The following FAM13A variants were observed in gnomAD, a reference collection of about 807,000 sequenced individuals.
The protein encoded by FAM13A is protein FAM13A.
Under a neutral mutation model 129.6 loss-of-function variants are expected in FAM13A, and 76 were observed. That is an observed-to-expected ratio of 0.59 (90% CI 0.49 to 0.71). The LOEUF is 0.71. FAM13A is among the 30% of genes least tolerant of loss of function. The pLI is 0.00. For synonymous variants in FAM13A, 443 were observed against 449.9 expected, an observed-to-expected ratio of 0.98 and a Z score of 0.20; for missense variants, 1,108 against 1,249.3, an observed-to-expected ratio of 0.89 and a Z score of 1.70.
chr4:89,009,248 G>A (rs962004757), intron 3 of FAM13A, among the ~76,000 whole-genome samples: 4 of 152,142 alleles, frequency 2.6e-5, no homozygotes, highest in Non-Finnish European at 4.4e-5. Context: ...CCTGAGTCAC[G>A]TAGCATGCAG....
intron 2 of FAM13A, among the ~76,000 whole-genome samples, chr4:89,027,186 G>A (rs991823117): frequency 6.6e-6 from 1 of 152,098 alleles, no homozygotes; most frequent in African/African-American, 2.4e-5. Context: ...AGTACGCATA[G>A]TAAGAGATTA....
At chr4:88,899,913 GAA>G (rs1746999263) in intron 6 of FAM13A, among the ~76,000 whole-genome samples, 1 of 152,058 alleles carries the variant, frequency 6.6e-6, no homozygotes, top group African/African-American at 2.4e-5. Context: ...CTGATAGCCA[GAA>G]CAGCCAGTTT....
At chr4:89,035,830 G>T (rs1264373823) in intron 1 of FAM13A, among the ~76,000 whole-genome samples, 1 of 152,112 alleles carries the variant, frequency 6.6e-6, no homozygotes, top group Non-Finnish European at 1.5e-5. Context: ...GTTTCCTGAG[G>T]TCTCCCAAGC....
At chr4:89,021,650 A>G (rs917406749) in intron 2 of FAM13A, among the ~76,000 whole-genome samples, 15 of 152,210 alleles carry the variant, frequency 9.9e-5, no homozygotes, top group African/African-American at 3.6e-4. Context: ...GAGGAAAAAG[A>G]CAAAATATAA....
At chr4:88,893,835 A>AG in intron 6 of FAM13A, among the ~76,000 whole-genome samples, 1 of 151,568 alleles carries the variant, frequency 6.6e-6, no homozygotes. Flanking sequence ...TCAAAAAAAA[A>AG]AAAAAAAAGA....
chr4:88,894,196 G>A (rs562900630), intron 6 of FAM13A, among the ~76,000 whole-genome samples: 7 of 152,132 alleles, frequency 4.6e-5, no homozygotes, highest in Non-Finnish European at 1.0e-4. Context: ...ACATGCTTAC[G>A]ATCTAATATT....
intron 3 of FAM13A, among the ~76,000 whole-genome samples, chr4:88,995,050 T>C (rs1579677222): frequency 6.6e-6 from 1 of 152,114 alleles, no homozygotes; most frequent in Non-Finnish European, 1.5e-5. Flanking sequence ...TTGCACACTA[T>C]GTATATTTGT....
intron 3 of FAM13A, among the ~76,000 whole-genome samples, chr4:88,992,467 C>T (rs994294109): frequency 2.0e-5 from 3 of 152,060 alleles, no homozygotes; most frequent in Non-Finnish European, 4.4e-5. Context: ...GACGGCATTT[C>T]ACCATGTTGG....
chr4:89,020,626 C>CT lies in FAM13A; in HGVS notation c.260dup (p.Val88GlyfsTer22). On this transcript the variant is annotated frameshift_variant, in exon 3 of 24. Coordinates refer to ENST00000264344, the MANE Select transcript of FAM13A (RefSeq NM_014883.4). LOFTEE classifies it high-confidence loss of function. The stretch of plus-strand genomic sequence containing the variant: ...ACTTCAGTCGAAGTTGTTCCACCAC[C>CT]TTCACGTTACCATTCACCCTAAAAA... 1 of 1,614,142 alleles carries CT rather than the reference C, an allele frequency of 6.2e-7. No individual in the cohort carries two copies. The highest frequency in any genetic ancestry group is 8.5e-7 in the Non-Finnish European group (1 of 1,180,026).
At chr4:88,770,605 A>T (rs577594609) in intron 11 of FAM13A, among the ~76,000 whole-genome samples, 126 of 152,364 alleles carry the variant, frequency 8.3e-4, no homozygotes, top group African/African-American at 3.0e-3. Context: ...AGGAAGAATA[A>T]GAGTGAACAG....
At chr4:88,747,258 C>T (rs1242103149) in intron 18 of FAM13A, among the ~76,000 whole-genome samples, 1 of 152,100 alleles carries the variant, frequency 6.6e-6, no homozygotes, top group Non-Finnish European at 1.5e-5. Context: ...AAGGTGAACA[C>T]TGAGGTAAGC....
intron 14 of FAM13A, 42 bp downstream of exon 14, chr4:88,758,712 G>A (rs754112945): frequency 2.5e-6 from 4 of 1,582,018 alleles, no homozygotes; most frequent in Non-Finnish European, 3.4e-6. Flanking sequence ...ATTTATATAT[G>A]CTTTAATGAT....
chr4:89,040,443 C>T (rs1046208178), intron 1 of FAM13A, among the ~76,000 whole-genome samples: 1 of 152,072 alleles, frequency 6.6e-6, no homozygotes, highest in Non-Finnish European at 1.5e-5. Context: ...TTTTTGACAG[C>T]ATAAGAGGAA....
intron 6 of FAM13A, among the ~76,000 whole-genome samples, chr4:88,867,916 A>T (rs922026): frequency 0.11 from 16,999 of 152,248 alleles, 1,061 homozygotes; most frequent in Non-Finnish European, 0.14. Flanking sequence ...ACGCAATGGA[A>T]ATGTTATTAA....
intron 2 of FAM13A, among the ~76,000 whole-genome samples, chr4:89,021,802 T>C (rs1468050797): frequency 1.3e-5 from 2 of 152,064 alleles, no homozygotes; most frequent in East Asian, 3.9e-4. Flanking sequence ...GATGATTTGG[T>C]AACTTGGTTC....
At chr4:88,767,810 T>A (rs919465701) in intron 12 of FAM13A, among the ~76,000 whole-genome samples, 173 bp downstream of exon 12, 10 of 152,212 alleles carry the variant, frequency 6.6e-5, no homozygotes, top group Non-Finnish European at 1.5e-4. Context: ...TTGCCTTCAA[T>A]AGCACTGTGA....
At chr4:88,794,073 C>T (rs28393862) in intron 8 of FAM13A, among the ~76,000 whole-genome samples, 13,841 of 151,928 alleles carry the variant, frequency 0.091, 806 homozygotes, top group African/African-American at 0.15. Context: ...TTACCCTCTT[C>T]GGAGAGCTAA....
chr4:88,804,993 C>CA lies in FAM13A; in HGVS notation c.1049+17dup. ...TCCTTTATTCCCTGTAGTAGACCAA[C>CA]AAAAATCAAATAAATACCTCAAATA... On this transcript the variant is annotated intron_variant, in intron 8 of 23. Coordinates refer to ENST00000264344, the MANE Select transcript of FAM13A (RefSeq NM_014883.4). 1 of 1,499,084 alleles carries CA rather than the reference C, an allele frequency of 6.7e-7. No homozygotes were observed. Among genetic ancestry groups the CA allele is most frequent in the African/African-American group, 1.4e-5 (1 of 72,688 alleles). The allele number at this position is 1,499,084 out of a possible 1,614,324, so 92.9% of individuals were successfully genotyped here.
chr4:88,937,054 T>TC (rs1753968556), intron 5 of FAM13A: 1 of 145,734 alleles, frequency 6.9e-6, no homozygotes, highest in Non-Finnish European at 1.6e-5. Context: ...ATCACTGACA[T>TC]TTTTTTCAGC....
Sources: allele counts gnomAD v4.1 joint callset (sites outside exome capture counted in the v4.1 genomes callset), GRCh38; gene constraint gnomAD v4.1.1; transcripts MANE v1.5; gene names NCBI Gene and HGNC (gene_info 2026-07-23, HGNC 2026-07-21).